The following MPRIP variants were observed in gnomAD, a reference collection of about 807,000 sequenced individuals.
The protein encoded by MPRIP is myosin phosphatase Rho interacting protein, also known as myosin phosphatase Rho-interacting protein.
MPRIP carries 59 observed loss-of-function variants against 234.9 expected under a neutral mutation model. That is an observed-to-expected ratio of 0.25 (90% CI 0.20 to 0.31). The LOEUF (loss-of-function observed/expected upper bound fraction) is 0.31, where lower values mean the gene tolerates loss of function less well. MPRIP is among the 10% of genes least tolerant of loss of function. The pLI, the probability that MPRIP is intolerant of heterozygous loss-of-function variation, is 1.00. For synonymous variants in MPRIP, 1,144 were observed against 1,263.9 expected (o/e 0.91, Z 2.01); for missense variants, 2,436 against 3,071.0 (o/e 0.79, Z 4.89).
chr17:17,103,563 G>A (rs1374514127), intron 3 of MPRIP, among the ~76,000 whole-genome samples: 1 of 152,170 alleles, frequency 6.6e-6, no homozygotes, highest in Non-Finnish European at 1.5e-5. Context: ...GCAGGAGACG[G>A]AGGCTTTTGC....
intron 13 of MPRIP, among the ~76,000 whole-genome samples, chr17:17,155,011 T>TAAAAC (rs770730082): frequency 2.6e-5 from 4 of 152,180 alleles, no homozygotes; most frequent in Non-Finnish European, 5.9e-5. Flanking sequence ...CAGACATATC[T>TAAAAC]AAAACAAAAC....
chr17:17,112,395 C>T (rs1016106688), intron 3 of MPRIP, among the ~76,000 whole-genome samples: 2 of 152,216 alleles, frequency 1.3e-5, no homozygotes, highest in African/African-American at 2.4e-5. Flanking sequence ...CTCTTCCCCC[C>T]GTATCATGAA....
chr17:17,058,362 C>G (rs1286270122), intron 1 of MPRIP, among the ~76,000 whole-genome samples: 1 of 142,832 alleles, frequency 7.0e-6, no homozygotes, highest in Non-Finnish European at 1.5e-5. Flanking sequence ...AGCTCCAGGA[C>G]TATTAGGAGT....
intron 3 of MPRIP, among the ~76,000 whole-genome samples, chr17:17,098,245 A>C (rs917171197): frequency 1.3e-5 from 2 of 152,098 alleles, no homozygotes; most frequent in African/African-American, 4.8e-5. Context: ...TTTCCCCAGA[A>C]CCTGCGCCTG....
intron 3 of MPRIP, among the ~76,000 whole-genome samples, chr17:17,083,602 T>C (rs1378768817): frequency 6.6e-6 from 1 of 152,238 alleles, no homozygotes; most frequent in Non-Finnish European, 1.5e-5. Context: ...TCTCTCCCTT[T>C]TCTGCAGCTG....
chr17:17,043,905 T>C (rs1166512835), intron 1 of MPRIP, among the ~76,000 whole-genome samples: 1 of 152,204 alleles, frequency 6.6e-6, no homozygotes, highest in Non-Finnish European at 1.5e-5. Flanking sequence ...GCCTCCTGAA[T>C]GAAGCCAGGG....
chr17:17,124,245 G>A (rs958289452), intron 3 of MPRIP, among the ~76,000 whole-genome samples: 1 of 152,230 alleles, frequency 6.6e-6, no homozygotes, highest in Non-Finnish European at 1.5e-5. Flanking sequence ...TAAGAGGGAA[G>A]AGTGGGCTTC....
At chr17:17,068,651 C>T (rs998696412) in intron 1 of MPRIP, among the ~76,000 whole-genome samples, 1 of 152,052 alleles carries the variant, frequency 6.6e-6, no homozygotes, top group African/African-American at 2.4e-5. Context: ...CTGCCTCAGC[C>T]TCCTGAGTAG....
intron 7 of MPRIP, among the ~76,000 whole-genome samples, chr17:17,140,289 C>T (rs1483414801): frequency 1.3e-5 from 2 of 152,130 alleles, no homozygotes; most frequent in South Asian, 2.1e-4. Flanking sequence ...CTTTTGAACT[C>T]GTTCTTGTCT....
rs982670654 is a variant in MPRIP, at chr17:17,186,878, G to T, written c.*1984G>T. The T allele has an allele frequency of 2.0e-5, 3 of 152,230 alleles. No homozygotes were observed. Among genetic ancestry groups the T allele is most frequent in the Non-Finnish European group, 4.4e-5 (3 of 68,048 alleles). 9.4% of individuals were successfully genotyped at this position (152,230 alleles called of 1,614,324 possible). On this transcript the variant is annotated 3_prime_UTR_variant, in exon 24 of 24. Coordinates refer to ENST00000651222, the MANE Select transcript of MPRIP (RefSeq NM_001364716.4). ...ATTGTTGTCTCCAGGACACTGCTGG[G>T]TCACACGAATGCTCCAGGACAGACA...
intron 3 of MPRIP, among the ~76,000 whole-genome samples, chr17:17,095,282 T>G (rs1252756852): frequency 6.6e-6 from 1 of 152,188 alleles, no homozygotes; most frequent in Non-Finnish European, 1.5e-5. Context: ...CTCGAATGAG[T>G]GGCGACCCTT....
intron 3 of MPRIP, among the ~76,000 whole-genome samples, chr17:17,125,519 G>C (rs547158603): frequency 1.3e-5 from 2 of 152,290 alleles, no homozygotes; most frequent in Non-Finnish European, 2.9e-5. Context: ...AGAAAGAGGT[G>C]GCAAGTAGGT....
At position 17,166,352 on chromosome 17, in the gene MPRIP, A is replaced by T. The variant is rs193129533; in HGVS notation, c.4761A>T (p.Thr1587=). The T allele has an allele frequency of 5.6e-3, 7,283 of 1,304,562 alleles. 29 individuals are homozygous for T. Among genetic ancestry groups the T allele is most frequent in the Non-Finnish European group, 6.8e-3 (6,726 of 989,022 alleles). The allele number at this position is 1,304,562 out of a possible 1,614,324, so 80.8% of individuals were successfully genotyped here. ...SQIADSLKNT[T]SDVSRMLHEI... ...TAGCAGATTCCCTGAAGAACACAAC[A>T]TCAGATGTCTCCCGAATGCTCCATG... The change falls in exon 16 of 24, where the codon ACA becomes ACT. Residue 1587 remains threonine (T), a synonymous_variant. Transcript: ENST00000651222. This position sits in a 1 kb window ranked among gnomAD's most constrained non-coding sequence, Gnocchi z 4.4.
intron 11 of MPRIP, 102 bp downstream of exon 11, chr17:17,147,489 T>C: frequency 8.9e-7 from 1 of 1,117,730 alleles, no homozygotes; most frequent in Non-Finnish European, 1.4e-6. Flanking sequence ...TGTCCCCACT[T>C]CTGAGGACAG....
intron 17 of MPRIP, among the ~76,000 whole-genome samples, chr17:17,172,278 A>G (rs112700093): frequency 2.0e-5 from 3 of 152,364 alleles, no homozygotes; most frequent in African/African-American, 7.2e-5. Context: ...GTGGCCCTAA[A>G]CAAGCACGTC....
chr17:17,145,055 A>T (rs1201252852), intron 9 of MPRIP, among the ~76,000 whole-genome samples: 10 of 152,182 alleles, frequency 6.6e-5, no homozygotes, highest in Non-Finnish European at 1.5e-4. Context: ...GGCGGCAAGG[A>T]CAGTTGCACA....
chr17:17,164,548 G>A lies in MPRIP; in HGVS notation c.2957G>A (p.Arg986Gln), dbSNP rs1402276681. 1.1e-5 allele frequency: 13 copies of A among 1,209,004 alleles called. No homozygotes were observed. Among genetic ancestry groups the A allele is most frequent in the South Asian group, 4.6e-5 (3 of 64,694 alleles). The allele number at this position is 1,209,004 out of a possible 1,614,324, so 74.9% of individuals were successfully genotyped here. The change falls in exon 16 of 24, where the codon CGG (arginine) becomes CAG (glutamine). Residue 986 changes from arginine (R) to glutamine (Q), a missense_variant. Around this residue, in one of 4 missense-constraint regions of MPRIP, gnomAD observed 1,998 missense variants for 2,520.3 expected, o/e 0.79. Transcript: ENST00000651222. Reference sequence around the variant, plus strand: ...ACACAGCAGGCGCTGCAGCGGGACCGGCAGAAGGAGGTCCAGAGGCTGCAG... The same window carrying A: ...ACACAGCAGGCGCTGCAGCGGGACCAGCAGAAGGAGGTCCAGAGGCTGCAG... ...LETQQALQRD[R>Q]QKEVQRLQER... is the part of the protein sequence containing the mutation.
Position 17,171,858 on chromosome 17 carries a change from C to T in MPRIP, c.6465C>T (p.Thr2155=), listed in dbSNP as rs2144667481. The T allele has an allele frequency of 6.2e-7, 1 of 1,608,104 alleles. No homozygotes were observed. Among genetic ancestry groups the T allele is most frequent in the East Asian group, 2.3e-5 (1 of 44,424 alleles). The change falls in exon 17 of 24, where the codon ACC becomes ACT. Residue 2155 remains threonine (T), a synonymous_variant. Transcript: ENST00000651222. ...DRLLAEETAA[T]ISAIEAMKNA... ...TCCTAGCCGAGGAGACAGCGGCCAC[C>T]ATCTCAGGTTGGGGGGTGGGGTAAC...
chr17:17,146,652 G>C (rs1213046682), intron 10 of MPRIP, among the ~76,000 whole-genome samples: 2 of 152,188 alleles, frequency 1.3e-5, no homozygotes, highest in South Asian at 4.2e-4. Context: ...CCTGTGCCAT[G>C]GGCTGGAAGG....
Sources: gnomAD v4.1 joint callset for allele counts (sites outside exome capture counted in the v4.1 genomes callset) on GRCh38, gnomAD v4.1.1 for gene constraint, gnomAD v4.1.1 regional missense constraint, Gnocchi (gnomAD v3.1) non-coding constraint, MANE v1.5 for transcripts, NCBI Gene and HGNC (gene_info 2026-07-23, HGNC 2026-07-21) for gene names.